Variants in RPS6KA2 observed in about 807,000 individuals in gnomAD.
RPS6KA2 encodes ribosomal protein S6 kinase A2, also known as ribosomal protein S6 kinase alpha-2.
In RPS6KA2, 42 loss-of-function variants were observed where a neutral mutation model predicts 91.8. The observed-to-expected ratio is 0.46, with a 90% CI of 0.36 to 0.59. The LOEUF (loss-of-function observed/expected upper bound fraction) is 0.59. Ranked by LOEUF, RPS6KA2 falls within the 20% of genes least tolerant of loss-of-function variation. The pLI, the probability that RPS6KA2 is intolerant of heterozygous loss-of-function variation, is 0.00. For missense variants in RPS6KA2, 798 were observed against 978.5 expected (o/e 0.82, Z 2.46); for synonymous variants, 414 against 393.6 (o/e 1.05, Z -0.61).
At chr6:166,574,714 C>A (rs950876181) in intron 1 of RPS6KA2, among the ~76,000 whole-genome samples, 11 of 151,968 alleles carry the variant, frequency 7.2e-5, no homozygotes, top group African/African-American at 2.7e-4. Flanking sequence ...TTAAGTTCTG[C>A]AAGAGTATTT....
chr6:166,572,050 C>T (rs771998501), intron 1 of RPS6KA2, among the ~76,000 whole-genome samples: 25 of 152,204 alleles, frequency 1.6e-4, no homozygotes, highest in African/African-American at 4.6e-4. Flanking sequence ...TTTAATAACA[C>T]GAGAACATAC....
intron 2 of RPS6KA2, chr6:166,702,100 C>A: frequency 6.8e-7 from 1 of 1,464,972 alleles, no homozygotes; most frequent in Non-Finnish European, 9.6e-7. Flanking sequence ...GGATAGTAAT[C>A]GACTTCTCAG....
chr6:166,739,195 C>T (rs1030031419), intron 2 of RPS6KA2, among the ~76,000 whole-genome samples: 9 of 152,212 alleles, frequency 5.9e-5, no homozygotes, highest in African/African-American at 1.9e-4. Context: ...CTTGTCTAAA[C>T]TCATGGCTTT....
At chr6:166,811,567 T>C (rs1779640858) in intron 2 of RPS6KA2, among the ~76,000 whole-genome samples, 1 of 152,168 alleles carries the variant, frequency 6.6e-6, no homozygotes, top group African/African-American at 2.4e-5. Flanking sequence ...AAGGCCACAG[T>C]GAACTATAAT....
chr6:166,724,488 T>C (rs866308822), intron 2 of RPS6KA2, among the ~76,000 whole-genome samples: 5 of 152,170 alleles, frequency 3.3e-5, no homozygotes, highest in Admixed American at 1.3e-4. Flanking sequence ...TTTGAGTTAC[T>C]CTTTCACAGA....
At chr6:166,619,777 G>A (rs1035556637) in intron 1 of RPS6KA2, among the ~76,000 whole-genome samples, 4 of 152,246 alleles carry the variant, frequency 2.6e-5, no homozygotes, top group Admixed American at 2.6e-4. Flanking sequence ...TGATATTATG[G>A]ATGTAAAACT....
At chr6:166,574,421 T>C (rs1003569170) in intron 1 of RPS6KA2, among the ~76,000 whole-genome samples, 1 of 152,256 alleles carries the variant, frequency 6.6e-6, no homozygotes, top group Non-Finnish European at 1.5e-5. Context: ...TTTGGTTTTC[T>C]GTCCCTGAAT....
chr6:166,832,098 G>A (rs569866151), intron 2 of RPS6KA2, among the ~76,000 whole-genome samples: 81 of 151,302 alleles, frequency 5.4e-4, no homozygotes, highest in African/African-American at 1.9e-3. Flanking sequence ...ATAATCTACA[G>A]TAGTGAGTTG....
intron 2 of RPS6KA2, among the ~76,000 whole-genome samples, chr6:166,800,285 GC>G (rs1052408103): frequency 1.4e-4 from 21 of 152,300 alleles, no homozygotes; most frequent in African/African-American, 4.8e-4. Flanking sequence ...TCTGCCCTCA[GC>G]CCCTAGAGCA....
intron 2 of RPS6KA2, among the ~76,000 whole-genome samples, chr6:166,784,871 G>C (rs1199034116): frequency 6.6e-6 from 1 of 152,134 alleles, no homozygotes; most frequent in Non-Finnish European, 1.5e-5. Flanking sequence ...GGCTTGATGA[G>C]TGCATTTGTG....
chr6:166,585,003 C>T (rs1785123963), intron 1 of RPS6KA2, among the ~76,000 whole-genome samples: 2 of 152,248 alleles, frequency 1.3e-5, no homozygotes, highest in African/African-American at 4.8e-5. Flanking sequence ...TCTGCTGTAG[C>T]AACTAGTGTG....
chr6:166,661,163 C>T lies in RPS6KA2; in HGVS notation c.124-122379G>A, dbSNP rs925049469. Among the ~76,000 whole-genome samples the T allele has an allele frequency of 4.6e-5, 7 of 152,178 alleles. 1 individual carries two copies. The highest frequency in any genetic ancestry group is 6.8e-3 in the Middle Eastern group (2 of 294). ...TCGCCCAGCCTGGAGTGCAGTGGTGCGATCTCAGCTCACTACAACCCCTGC... is the reference window on the plus strand; with the variant it reads ...TCGCCCAGCCTGGAGTGCAGTGGTGTGATCTCAGCTCACTACAACCCCTGC... On this transcript the variant is annotated intron_variant, in intron 2 of 21. Transcript: ENST00000503859.
intron 2 of RPS6KA2, among the ~76,000 whole-genome samples, chr6:166,846,909 G>A (rs967738317): frequency 1.3e-5 from 2 of 152,108 alleles, no homozygotes; most frequent in African/African-American, 4.8e-5. Context: ...TGGTAAAGAG[G>A]AAGTCAAACT....
At chr6:166,416,902 A>T (rs1330822626) in intron 19 of RPS6KA2, among the ~76,000 whole-genome samples, 1 of 152,088 alleles carries the variant, frequency 6.6e-6, no homozygotes, top group Non-Finnish European at 1.5e-5. Context: ...TACCTCCACC[A>T]TCATCTCTAC....
chr6:166,716,545 G>A (rs775339014), intron 2 of RPS6KA2, among the ~76,000 whole-genome samples: 6 of 152,186 alleles, frequency 3.9e-5, no homozygotes, highest in African/African-American at 7.2e-5. Flanking sequence ...ATACTCTTAT[G>A]GGACCACCTT....
At chr6:166,616,704 T>A (rs1375546623) in intron 1 of RPS6KA2, among the ~76,000 whole-genome samples, 1 of 152,198 alleles carries the variant, frequency 6.6e-6, no homozygotes, top group Non-Finnish European at 1.5e-5. Flanking sequence ...CTGAGCTGCA[T>A]GTGGGTGTCA....
At chr6:166,482,004 T>C (rs1781240947) in intron 10 of RPS6KA2, among the ~76,000 whole-genome samples, 1 of 151,464 alleles carries the variant, frequency 6.6e-6, no homozygotes, top group African/African-American at 2.4e-5. Context: ...CTCTGATCGA[T>C]CTTAAAGTAT....
At position 166,665,628 on chromosome 6, in the gene RPS6KA2, G is replaced by A. The variant is rs1287028940; in HGVS notation, c.124-126844C>T. 3.9e-5 allele frequency among the ~76,000 whole-genome samples: 6 copies of A among 152,134 alleles called. No homozygotes were observed. The highest frequency in any genetic ancestry group is 8.8e-5 in the Non-Finnish European group (6 of 68,028). On this transcript the variant is annotated intron_variant, in intron 2 of 21. Transcript: ENST00000503859. The surrounding 1 kb of genome is among the most constrained non-coding windows in gnomAD (Gnocchi z 4.5). The stretch of plus-strand genomic sequence containing the variant: ...TTCTGAAAGACTCCAGAGCCAGTGC[G>A]ACCCTCATTAGAACAAGCACCGGAG...
chr6:166,492,543 A>T (rs1343685934), intron 8 of RPS6KA2, among the ~76,000 whole-genome samples: 1 of 152,160 alleles, frequency 6.6e-6, no homozygotes, highest in East Asian at 1.9e-4. Context: ...AGCACTATGA[A>T]ATCCCATTTC....
Sources: allele counts gnomAD v4.1 joint callset (sites outside exome capture counted in the v4.1 genomes callset), GRCh38; gene constraint gnomAD v4.1.1; non-coding constraint Gnocchi (gnomAD v3.1); transcripts MANE v1.5; gene names NCBI Gene and HGNC (gene_info 2026-07-23, HGNC 2026-07-21).